Variants in BCLAF3 observed in about 807,000 individuals in gnomAD.
BCLAF3 encodes BCLAF1 and THRAP3 family member 3, also known as transient octamer binding factor 1.
Under a neutral mutation model 51.2 loss-of-function variants are expected in BCLAF3, and 24 were observed. The observed-to-expected ratio is 0.47, with a 90% CI of 0.34 to 0.66. The LOEUF (loss-of-function observed/expected upper bound fraction) is 0.66, where lower values mean the gene tolerates loss of function less well. Ranked by LOEUF, BCLAF3 falls within the 30% of genes least tolerant of loss-of-function variation. The probability of loss-of-function intolerance (pLI) is 0.01; values close to 1 mark genes in which losing one functional copy is unlikely to be tolerated. For synonymous variants in BCLAF3, 152 were observed against 176.6 expected (o/e 0.86, Z 1.10); for missense variants, 465 against 525.1 (o/e 0.89, Z 1.12).
intron 11 of BCLAF3, among the ~76,000 whole-genome samples, chrX:19,927,802 C>A (rs967759541): frequency 3.8e-5 from 4 of 106,619 alleles, no homozygotes; most frequent in Non-Finnish European, 7.7e-5. Flanking sequence ...CCACTATGCC[C>A]AGCAATTCTC....
At chrX:19,964,167 T>C (rs1046682372) in intron 4 of BCLAF3, among the ~76,000 whole-genome samples, 2 of 111,899 alleles carry the variant, frequency 1.8e-5, no homozygotes, top group African/African-American at 6.5e-5. Flanking sequence ...AATATAAACA[T>C]ACCAAATCAA....
intron 1 of BCLAF3, among the ~76,000 whole-genome samples, chrX:19,975,274 G>A (rs1374252363): frequency 1.1e-4 from 12 of 109,175 alleles, no homozygotes; most frequent in Admixed American, 1.1e-3. Context: ...ATATGTGACA[G>A]AGACTGTACG....
At position 19,916,766 on chromosome X, in the gene BCLAF3, C is replaced by G. The variant is rs2069947090; in HGVS notation, c.*539G>C. 1 of 112,230 alleles carries G rather than the reference C, an allele frequency of 8.9e-6. No individual in the cohort carries two copies. Among genetic ancestry groups the G allele is most frequent in the African/African-American group, 3.2e-5 (1 of 30,821 alleles). 9.2% of individuals were successfully genotyped at this position (112,230 alleles called of 1,213,427 possible). On this transcript the variant is annotated 3_prime_UTR_variant, in exon 12 of 12. Transcript: ENST00000379682. ...TTTGAAGCACCTTGTCTCTTGCCTT[C>G]TTATAATATGAAATGTATGAATTAT... is the stretch of plus-strand genomic sequence containing the variant.
At chrX:19,946,953 A>G (rs1191678110) in intron 8 of BCLAF3, among the ~76,000 whole-genome samples, 1 of 112,172 alleles carries the variant, frequency 8.9e-6, no homozygotes, top group African/African-American at 3.2e-5. Context: ...CTTCTGCCTT[A>G]TTTTCACCTA....
chrX:19,976,431 C>T (rs1055774852), intron 1 of BCLAF3, among the ~76,000 whole-genome samples: 2 of 111,181 alleles, frequency 1.8e-5, no homozygotes, highest in African/African-American at 3.3e-5. Context: ...CGCTCTGTCA[C>T]CCAGGCTGGA....
At chrX:19,987,974 C>T (rs948947831) in intron 1 of BCLAF3, among the ~76,000 whole-genome samples, 1 of 112,317 alleles carries the variant, frequency 8.9e-6, no homozygotes, top group African/African-American at 3.2e-5. Flanking sequence ...CCTTGCGAAT[C>T]CTACCTTCAG....
intron 10 of BCLAF3, among the ~76,000 whole-genome samples, chrX:19,932,525 AT>A (rs58949658): frequency 0.013 from 1,008 of 77,377 alleles, 10 homozygotes; most frequent in African/African-American, 0.039. Context: ...ACAAGTCAAG[AT>A]TTTTTTTTTT....
chrX:19,981,296 G>A (rs2072603801), intron 1 of BCLAF3, among the ~76,000 whole-genome samples: 1 of 111,594 alleles, frequency 9.0e-6, no homozygotes, highest in African/African-American at 3.3e-5. Context: ...TATGATCTTG[G>A]ATCAGGAAAT....
Position 19,987,374 on chromosome X carries a change from G to A in BCLAF3, c.-35+3534C>T, listed in dbSNP as rs189385826. ...GGCTGGAGTGCAGTGGCACGATCTC[G>A]ACTCACTGCAACCTCCGCCTCCTGG... On this transcript the variant is annotated intron_variant, in intron 1 of 11. Transcript: ENST00000379682. Among the ~76,000 whole-genome samples the A allele has an allele frequency of 1.6e-3, 182 of 112,061 alleles. 4 individuals are homozygous for A. In the East Asian group the frequency reaches 0.038, roughly 23 times the overall value.
intron 10 of BCLAF3, among the ~76,000 whole-genome samples, chrX:19,931,881 C>T (rs749260372): frequency 8.9e-5 from 10 of 111,859 alleles, no homozygotes; most frequent in Admixed American, 1.9e-4. Flanking sequence ...CTACCAAGAT[C>T]CAGGAAAAAG....
rs904953380 is a variant in BCLAF3 at position 19,915,027 on chromosome X, T to A, written c.*2278A>T. 2.6e-4 allele frequency: 29 copies of A among 110,198 alleles called. No homozygotes were observed. Among genetic ancestry groups the A allele is most frequent in the African/African-American group, 9.6e-4 (29 of 30,235 alleles). 9.1% of individuals were successfully genotyped at this position (110,198 alleles called of 1,213,427 possible). Reference sequence around the variant, plus strand: ...CAGGGACTGTGTCTTATTATCTTTGTCTTCCCAGTACCAGCGAAGGGCCTA... The same window carrying A: ...CAGGGACTGTGTCTTATTATCTTTGACTTCCCAGTACCAGCGAAGGGCCTA... On this transcript the variant is annotated 3_prime_UTR_variant, in exon 12 of 12. Coordinates refer to ENST00000379682, the MANE Select transcript of BCLAF3 (RefSeq NM_001367774.2).
chrX:19,980,525 T>C (rs775825233), intron 1 of BCLAF3, among the ~76,000 whole-genome samples: 1 of 112,346 alleles, frequency 8.9e-6, no homozygotes, highest in South Asian at 3.7e-4. Context: ...ATGAGCTTTA[T>C]TCAACTAAAT....
intron 4 of BCLAF3, among the ~76,000 whole-genome samples, chrX:19,957,173 G>A (rs925540131): frequency 2.7e-4 from 30 of 111,835 alleles, no homozygotes; most frequent in African/African-American, 9.8e-4. Context: ...CCGCACTGCT[G>A]TGGTTTCGTT....
chrX:19,979,869 G>C (rs2072554192), intron 1 of BCLAF3, among the ~76,000 whole-genome samples: 2 of 109,884 alleles, frequency 1.8e-5, no homozygotes, highest in South Asian at 7.8e-4. Flanking sequence ...TTGAAGGCTG[G>C]CATGAAAACA....
rs188344101 is a variant in BCLAF3, at chrX:19,933,450, T to C, written c.1950+2359A>G. On this transcript the variant is annotated intron_variant, in intron 10 of 11. Transcript: ENST00000379682. ...GCGCAAATGATGTATTACAACGGAATAGTTAACAAAACTAAGCAGATTCTT... is the reference window on the plus strand; with the variant it reads ...GCGCAAATGATGTATTACAACGGAACAGTTAACAAAACTAAGCAGATTCTT... 9.2e-3 allele frequency among the ~76,000 whole-genome samples: 1,038 copies of C among 112,482 alleles called. 10 individuals carry two copies. Among genetic ancestry groups the C allele is most frequent in the African/African-American group, 0.031 (952 of 31,009 alleles).
At position 19,965,977 on chromosome X, in the gene BCLAF3, T is replaced by C. The variant is rs1489026911; in HGVS notation, c.611+103A>G. On this transcript the variant is annotated intron_variant, in intron 3 of 11. Transcript: ENST00000379682. ...TAAATTACAATGCTTTTTGTCTTTT[T>C]AGACAAAAGCTTTTCAAGGTGGTTA... 3.7e-6 allele frequency: 3 copies of C among 809,007 alleles called. No individual in the cohort carries two copies. In the East Asian group the frequency reaches 9.5e-5, roughly 26 times the overall value. 66.7% of individuals were successfully genotyped at this position (809,007 alleles called of 1,213,427 possible). A position where few individuals can be genotyped will look rare whatever the true frequency, so the allele number is the denominator to read the frequency against.
chrX:19,930,216 C>G (rs764057772), intron 10 of BCLAF3: 17 of 191,438 alleles, frequency 8.9e-5, no homozygotes, highest in Non-Finnish European at 4.8e-5. Context: ...GAGGCTAAGG[C>G]AGGAGAATTG....
intron 1 of BCLAF3, among the ~76,000 whole-genome samples, chrX:19,974,071 T>C (rs770199375): frequency 1.7e-4 from 19 of 111,662 alleles, no homozygotes; most frequent in Non-Finnish European, 3.0e-4. Flanking sequence ...GGGGATTGGT[T>C]CCAGAATCCC....
chrX:19,925,709 C>T (rs899752187), intron 11 of BCLAF3, among the ~76,000 whole-genome samples: 4 of 111,727 alleles, frequency 3.6e-5, no homozygotes, highest in East Asian at 5.6e-4. Context: ...TTAAGGGAAA[C>T]GGAAAGCAAC....
Sources: allele counts gnomAD v4.1 joint callset (sites outside exome capture counted in the v4.1 genomes callset), GRCh38; gene constraint gnomAD v4.1.1; transcripts MANE v1.5; gene names NCBI Gene and HGNC (gene_info 2026-07-23, HGNC 2026-07-21).